The following ZNF704 variants were observed in gnomAD, a reference collection of about 807,000 sequenced individuals.
ZNF704 encodes the protein zinc finger protein 704, also known as glucocorticoid induced gene 1.
Under a neutral mutation model 44.7 loss-of-function variants are expected in ZNF704, and 10 were observed. The observed-to-expected ratio is 0.22, with a 90% CI of 0.14 to 0.38. The LOEUF (loss-of-function observed/expected upper bound fraction) is 0.38, where lower values mean the gene tolerates loss of function less well. Ranked by LOEUF, ZNF704 falls within the 10% of genes least tolerant of loss-of-function variation. The pLI, the probability that ZNF704 is intolerant of heterozygous loss-of-function variation, is 1.00. For missense variants in ZNF704, 390 were observed against 545.5 expected (o/e 0.71, Z 2.84); for synonymous variants, 211 against 207.6 (o/e 1.02, Z -0.14).
chr8:80,801,455 T>C (rs1424340591), intron 2 of ZNF704, among the ~76,000 whole-genome samples: 1 of 151,916 alleles, frequency 6.6e-6, no homozygotes, highest in Non-Finnish European at 1.5e-5. Context: ...AGAAATGATA[T>C]CATACCAGTC....
At chr8:80,657,185 A>G (rs1219566965) in intron 7 of ZNF704, among the ~76,000 whole-genome samples, 2 of 151,984 alleles carry the variant, frequency 1.3e-5, no homozygotes, top group Non-Finnish European at 2.9e-5. Flanking sequence ...TTTTTTTTAG[A>G]GCATGGCCAG....
intron 5 of ZNF704, 21 bp from the exon 6 acceptor site, chr8:80,665,103 ACAAT>A (rs1267554076): frequency 6.2e-7 from 1 of 1,611,078 alleles, no homozygotes; most frequent in East Asian, 2.2e-5. Context: ...AGAGAGTAAA[ACAAT>A]CATACTAAGC....
chr8:80,782,799 C>G (rs1461516556), intron 2 of ZNF704, among the ~76,000 whole-genome samples: 1 of 152,100 alleles, frequency 6.6e-6, no homozygotes. Context: ...GCTTCCCACC[C>G]TCAAGGATAC....
chr8:80,862,764 CAAAAAAAAAAAAAA>C (rs71266094), intron 1 of ZNF704, among the ~76,000 whole-genome samples: 748 of 13,102 alleles, frequency 0.057, 7 homozygotes, highest in Middle Eastern at 0.12. Flanking sequence ...GACTCCGTCT[CAAAAAAAAAAAAAA>C]AAAAAAAAAA....
intron 2 of ZNF704, among the ~76,000 whole-genome samples, chr8:80,756,464 G>C (rs1420316445): frequency 6.6e-6 from 1 of 152,162 alleles, no homozygotes; most frequent in Non-Finnish European, 1.5e-5. Flanking sequence ...ATAAGCTTAA[G>C]GGACCCACTG....
chr8:80,773,616 T>C (rs539724523), intron 2 of ZNF704, among the ~76,000 whole-genome samples: 3 of 152,234 alleles, frequency 2.0e-5, no homozygotes, highest in Non-Finnish European at 4.4e-5. Context: ...GTAGGTCTGA[T>C]GGTGACAAAT....
Position 80,874,429 on chromosome 8 carries a change from G to C in ZNF704, c.-22+142C>G, listed in dbSNP as rs1443871239. 2 of 150,098 alleles carry C rather than the reference G, an allele frequency of 1.3e-5. No individual in the cohort carries two copies. Among genetic ancestry groups the C allele is most frequent in the African/African-American group, 2.4e-5 (1 of 41,180 alleles). 9.3% of individuals were successfully genotyped at this position (150,098 alleles called of 1,614,324 possible). ...CGGCCGGCTGCGCCCGCGCGCTCCGGGCCTACCGCTGCCGTGCCTCGGCGC... is the reference window on the plus strand; with the variant it reads ...CGGCCGGCTGCGCCCGCGCGCTCCGCGCCTACCGCTGCCGTGCCTCGGCGC... On this transcript the variant is annotated intron_variant, in intron 1 of 8. Transcript: ENST00000327835. This position sits in a 1 kb window ranked among gnomAD's most constrained non-coding sequence, Gnocchi z 4.4.
At chr8:80,681,319 T>C (rs1169143100) in intron 4 of ZNF704, among the ~76,000 whole-genome samples, 3 of 152,238 alleles carry the variant, frequency 2.0e-5, no homozygotes, top group Non-Finnish European at 4.4e-5. Context: ...AAAGTGGTTG[T>C]ACCATTTTAC....
chr8:80,755,437 T>C (rs559243036), intron 2 of ZNF704, among the ~76,000 whole-genome samples: 1 of 151,672 alleles, frequency 6.6e-6, no homozygotes, highest in East Asian at 1.9e-4. Flanking sequence ...CCTGGGTGAC[T>C]GAGTGAGACT....
At chr8:80,816,501 T>C (rs1195240381) in intron 2 of ZNF704, among the ~76,000 whole-genome samples, 1 of 152,206 alleles carries the variant, frequency 6.6e-6, no homozygotes, top group Non-Finnish European at 1.5e-5. Flanking sequence ...CATGCTCTCT[T>C]TTCCTGTCCT....
intron 2 of ZNF704, among the ~76,000 whole-genome samples, chr8:80,816,515 A>G (rs1479793550): frequency 3.3e-5 from 5 of 151,976 alleles, no homozygotes; most frequent in African/African-American, 1.2e-4. Context: ...CTGTCCTTAA[A>G]CTCTTGAAGC....
upstream of ZNF704, among the ~76,000 whole-genome samples, chr8:80,878,822 G>T (rs1809391466): frequency 6.6e-6 from 1 of 152,052 alleles, no homozygotes; most frequent in Non-Finnish European, 1.5e-5. Context: ...ACCTCTCAAA[G>T]ACTTAGGTTT....
intron 1 of ZNF704, among the ~76,000 whole-genome samples, chr8:80,863,996 C>T (rs748585937): frequency 7.2e-5 from 11 of 152,208 alleles, no homozygotes; most frequent in South Asian, 6.2e-4. Context: ...GTCTTCCACA[C>T]TAGACCCATC....
chr8:80,689,956 A>G (rs993218626), intron 3 of ZNF704, among the ~76,000 whole-genome samples: 1 of 152,092 alleles, frequency 6.6e-6, no homozygotes, highest in Admixed American at 6.6e-5. Context: ...CTCTTTGCAG[A>G]CTCACTTCCT....
intron 2 of ZNF704, among the ~76,000 whole-genome samples, chr8:80,773,293 C>T (rs1309966766): frequency 6.6e-6 from 1 of 152,008 alleles, no homozygotes; most frequent in African/African-American, 2.4e-5. Flanking sequence ...CTTTGTATAG[C>T]TTTCTTTAGT....
chr8:80,703,198 A>C (rs1254347275), intron 2 of ZNF704, among the ~76,000 whole-genome samples: 1 of 151,990 alleles, frequency 6.6e-6, no homozygotes, highest in Non-Finnish European at 1.5e-5. Flanking sequence ...CTCCATAAGA[A>C]GACTCACTTT....
chr8:80,652,282 T>C (rs1451512377), intron 7 of ZNF704, among the ~76,000 whole-genome samples: 4 of 151,680 alleles, frequency 2.6e-5, no homozygotes, highest in Non-Finnish European at 5.9e-5. Context: ...GCAAACACAT[T>C]CAAAAGCTAG....
the ZNF704 span, among the ~76,000 whole-genome samples, chr8:80,883,346 C>A: frequency 6.6e-6 from 1 of 151,644 alleles, no homozygotes; most frequent in Non-Finnish European, 1.5e-5. Context: ...TAAACCTAGC[C>A]ATTTTAATGT....
chr8:80,688,779 C>T (rs542382418), intron 3 of ZNF704, among the ~76,000 whole-genome samples: 16 of 152,094 alleles, frequency 1.1e-4, no homozygotes, highest in Admixed American at 3.9e-4. Flanking sequence ...GCCTATATGG[C>T]GAAACCCCGT....
Sources: gnomAD v4.1 joint callset for allele counts (sites outside exome capture counted in the v4.1 genomes callset) on GRCh38, gnomAD v4.1.1 for gene constraint, Gnocchi (gnomAD v3.1) non-coding constraint, MANE v1.5 for transcripts, NCBI Gene and HGNC (gene_info 2026-07-23, HGNC 2026-07-21) for gene names.